The following REC114 variants were observed in gnomAD, a reference collection of about 807,000 sequenced individuals.
The protein encoded by REC114 is meiotic recombination protein REC114.
In REC114, 27 loss-of-function variants were observed where a neutral mutation model predicts 31.3. The ratio of observed to expected loss-of-function variants is 0.86; its 90% CI spans 0.64 to 1.19. The LOEUF is 1.19. REC114 is among the 50% of genes most tolerant of loss of function. REC114 has a pLI of 0.00. For synonymous variants in REC114, 134 were observed against 127.7 expected, an observed-to-expected ratio of 1.05 and a Z score of -0.33; for missense variants, 344 against 326.9, an observed-to-expected ratio of 1.05 and a Z score of -0.40.
chr15:73,499,628 A>G (rs1487351335), intron 2 of REC114, among the ~76,000 whole-genome samples: 2 of 152,206 alleles, frequency 1.3e-5, no homozygotes. Context: ...ATCATTTAAA[A>G]ATACAAGTCT....
intron 1 of REC114, among the ~76,000 whole-genome samples, chr15:73,446,794 G>A (rs747745789): frequency 3.9e-5 from 6 of 152,236 alleles, no homozygotes; most frequent in Non-Finnish European, 8.8e-5. Flanking sequence ...ATGTAGGCAG[G>A]TGCCTTGTGA....
At chr15:73,526,174 T>G (rs906768438) in intron 2 of REC114, among the ~76,000 whole-genome samples, 3 of 152,214 alleles carry the variant, frequency 2.0e-5, no homozygotes, top group Non-Finnish European at 2.9e-5. Flanking sequence ...AGAGTTTAAA[T>G]GCTATATCTT....
In REC114 at chr15:73,535,783, A is replaced by G. The variant is rs539567106; in HGVS notation, c.250-4702A>G. 4.7e-3 allele frequency among the ~76,000 whole-genome samples: 707 copies of G among 151,134 alleles called. 7 individuals are homozygous for G. Among genetic ancestry groups the G allele is most frequent in the African/African-American group, 0.016 (653 of 41,108 alleles). ...CTACCTGACTTCAAACTATACTACA[A>G]GGCTACAGTAACCAAAACAGCATGG... On this transcript the variant is annotated intron_variant, in intron 2 of 5. Coordinates refer to ENST00000331090, the MANE Select transcript of REC114 (RefSeq NM_001042367.2).
Position 73,559,900 on chromosome 15 carries a change from C to T in REC114, c.785C>T (p.Ala262Val), listed in dbSNP as rs772982831. 1.6e-5 allele frequency: 25 copies of T among 1,610,196 alleles called. No individual in the cohort carries two copies. The highest frequency in any genetic ancestry group is 6.7e-5 in the East Asian group (3 of 44,726). ...EEVEKELKKLAGLRN is the reference protein window; with the variant it reads ...EEVEKELKKLVGLRN ...GTAGAAAAGGAACTGAAAAAGCTGGCGGGTTTGAGAAATTAATGCTCTATA... is the reference window on the plus strand; with the variant it reads ...GTAGAAAAGGAACTGAAAAAGCTGGTGGGTTTGAGAAATTAATGCTCTATA... Residue 262 changes from alanine to valine, a missense_variant, in exon 6 of 6, where the codon GCG becomes GTG. Ala to Val is a moderately conservative substitution (Grantham distance 64). Transcript: ENST00000331090.
chr15:73,533,491 C>T (rs887160495), intron 2 of REC114, among the ~76,000 whole-genome samples: 2 of 121,202 alleles, frequency 1.7e-5, no homozygotes, highest in African/African-American at 7.7e-5. Flanking sequence ...AGCTAACTAT[C>T]CTAAATATAT....
chr15:73,548,193 C>T (rs2141334078), intron 3 of REC114, among the ~76,000 whole-genome samples: 2 of 152,292 alleles, frequency 1.3e-5, no homozygotes, highest in South Asian at 4.1e-4. Flanking sequence ...ACTGCAACCT[C>T]CACCTCCCGG....
At chr15:73,513,863 A>G (rs1268379281) in intron 2 of REC114, among the ~76,000 whole-genome samples, 1 of 151,760 alleles carries the variant, frequency 6.6e-6, no homozygotes, top group Non-Finnish European at 1.5e-5. Context: ...TCAGACAGGG[A>G]CATTTAAGTC....
intron 2 of REC114, among the ~76,000 whole-genome samples, chr15:73,504,957 A>G (rs1006850631): frequency 1.3e-5 from 2 of 152,166 alleles, no homozygotes; most frequent in African/African-American, 2.4e-5. Flanking sequence ...TCTCTAGCCA[A>G]ACTAAATTAC....
intron 2 of REC114, among the ~76,000 whole-genome samples, chr15:73,493,170 C>CA (rs1220253965): frequency 6.6e-6 from 1 of 152,112 alleles, no homozygotes; most frequent in African/African-American, 2.4e-5. Flanking sequence ...GCACATATGC[C>CA]AACACACCCA....
intron 3 of REC114, among the ~76,000 whole-genome samples, chr15:73,544,007 G>A (rs1291569812): frequency 8.6e-6 from 1 of 115,850 alleles, no homozygotes; most frequent in Non-Finnish European, 1.6e-5. Flanking sequence ...GAGCAGTGTT[G>A]TGATCTCTGC....
chr15:73,548,082 TAAGA>T (rs938309218), intron 3 of REC114, among the ~76,000 whole-genome samples: 1 of 152,182 alleles, frequency 6.6e-6, no homozygotes, highest in African/African-American at 2.4e-5. Flanking sequence ...AACAACTCCA[TAAGA>T]AAGTGGGAAA....
intron 3 of REC114, among the ~76,000 whole-genome samples, chr15:73,545,602 A>G (rs1053905037): frequency 5.3e-5 from 8 of 152,184 alleles, no homozygotes; most frequent in Non-Finnish European, 8.8e-5. Flanking sequence ...GCAAACATGG[A>G]ACAAGACTTC....
intron 2 of REC114, among the ~76,000 whole-genome samples, chr15:73,518,589 G>T (rs1163368871): frequency 1.3e-5 from 2 of 152,228 alleles, no homozygotes; most frequent in African/African-American, 4.8e-5. Flanking sequence ...GGCCAGGCCT[G>T]AATCACCTGC....
In REC114 at chr15:73,554,564, T is replaced by C. The variant is rs185716256; in HGVS notation, c.547-1738T>C. Among the ~76,000 whole-genome samples, 25 of 152,332 alleles carry C rather than the reference T, an allele frequency of 1.6e-4. No homozygotes were observed. In the East Asian group the frequency reaches 4.4e-3, roughly 27 times the overall value. ...TTGTTAATTGTGGCTTAACCAGGCA[T>C]TTCTCAACCTTAGCACTTCAAAGGC... On this transcript the variant is annotated intron_variant, in intron 4 of 5. Coordinates refer to ENST00000331090, the MANE Select transcript of REC114 (RefSeq NM_001042367.2).
chr15:73,517,065 T>A (rs1456241167), intron 2 of REC114, among the ~76,000 whole-genome samples: 1 of 152,220 alleles, frequency 6.6e-6, no homozygotes. Flanking sequence ...TTGTTCTGTG[T>A]CCACAGACCC....
chr15:73,547,338 A>C (rs934424166), intron 3 of REC114, among the ~76,000 whole-genome samples: 1 of 152,200 alleles, frequency 6.6e-6, no homozygotes, highest in Non-Finnish European at 1.5e-5. Flanking sequence ...TCACAACTAC[A>C]ATGAGATACC....
chr15:73,540,336 C>G lies in REC114; in HGVS notation c.250-149C>G. The G allele has an allele frequency of 4.3e-6, 3 of 701,304 alleles. No homozygotes were observed. The South Asian group carries it at 4.8e-5, about 11-fold the overall frequency. 43.4% of individuals were successfully genotyped at this position (701,304 alleles called of 1,614,324 possible). A position where few individuals can be genotyped will look rare whatever the true frequency, so the allele number is the denominator to read the frequency against. ...ATTGAGGACTTAGTATAAGGGTCAT[C>G]CTTGGCAACTGGTTTTATTGAGTCA... is the stretch of plus-strand genomic sequence containing the variant. On this transcript the variant is annotated intron_variant, in intron 2 of 5. Coordinates refer to ENST00000331090, the MANE Select transcript of REC114 (RefSeq NM_001042367.2).
intron 1 of REC114, among the ~76,000 whole-genome samples, chr15:73,461,826 TA>T (rs1000709600): frequency 2.6e-5 from 4 of 152,002 alleles, no homozygotes; most frequent in Admixed American, 2.0e-4. Context: ...AGAGAAGATG[TA>T]AACTTTATGT....
intron 1 of REC114, among the ~76,000 whole-genome samples, chr15:73,461,563 C>CT (rs1892987178): frequency 6.6e-6 from 1 of 152,092 alleles, no homozygotes; most frequent in African/African-American, 2.4e-5. Context: ...ACTCTTTTGA[C>CT]TTTTTTCTAC....
Sources: gnomAD v4.1 joint callset for allele counts (sites outside exome capture counted in the v4.1 genomes callset) on GRCh38, gnomAD v4.1.1 for gene constraint, MANE v1.5 for transcripts, NCBI Gene and HGNC (gene_info 2026-07-23, HGNC 2026-07-21) for gene names.